The following PCDHGA7 variants were observed in gnomAD, a reference collection of about 807,000 sequenced individuals.
The protein encoded by PCDHGA7 is protocadherin gamma subfamily A, 7.
In PCDHGA7, 44 loss-of-function variants were observed where a neutral mutation model predicts 58.3. The ratio of observed to expected loss-of-function variants is 0.75; its 90% CI spans 0.59 to 0.97. The LOEUF is 0.97. Ranked by LOEUF, PCDHGA7 falls within the 50% of genes least tolerant of loss-of-function variation. PCDHGA7 has a pLI of 0.00. For synonymous variants in PCDHGA7, 516 were observed against 504.2 expected, an observed-to-expected ratio of 1.02 and a Z score of -0.31; for missense variants, 1,266 against 1,188.7, an observed-to-expected ratio of 1.06 and a Z score of -0.96.
chr5:141,393,794 T>C, intron 1 of PCDHGA7: 1 of 1,613,934 alleles, frequency 6.2e-7, no homozygotes, highest in South Asian at 1.1e-5. Flanking sequence ...TGGGGGCACT[T>C]CTGGGGAGGA....
At chr5:141,389,919 C>T (rs777835466) in intron 1 of PCDHGA7, 22 of 1,613,962 alleles carry the variant, frequency 1.4e-5, no homozygotes, top group Middle Eastern at 1.6e-4. Context: ...CCGCCCCGAC[C>T]CCTCTGACCT....
chr5:141,430,996 G>T, intron 1 of PCDHGA7: 1 of 1,614,024 alleles, frequency 6.2e-7, no homozygotes, highest in Middle Eastern at 1.6e-4. Flanking sequence ...CCCTGAATCC[G>T]CGCAGCGGCA....
At chr5:141,410,846 TGTC>T (rs1025068052) in intron 1 of PCDHGA7, 5 of 423,660 alleles carry the variant, frequency 1.2e-5, no homozygotes, top group South Asian at 4.0e-5. Flanking sequence ...ATTTTGTCTT[TGTC>T]TTTTTTTTTT....
At chr5:141,430,829 T>A (rs763916884) in intron 1 of PCDHGA7, 1 of 1,554,558 alleles carries the variant, frequency 6.4e-7, no homozygotes, top group Non-Finnish European at 8.7e-7. Context: ...GGGGACTCTG[T>A]GGGAGACCGG....
At chr5:141,419,807 G>A in intron 1 of PCDHGA7, 2 of 1,614,074 alleles carry the variant, frequency 1.2e-6, no homozygotes, top group South Asian at 1.1e-5. Flanking sequence ...AAGAGATGGA[G>A]GACAGCCACC....
At chr5:141,466,583 C>T (rs2099125595) in intron 1 of PCDHGA7, among the ~76,000 whole-genome samples, 1 of 152,184 alleles carries the variant, frequency 6.6e-6, no homozygotes, top group Admixed American at 6.6e-5. Flanking sequence ...CTCATCCCTT[C>T]TTAAAACAAG....
intron 1 of PCDHGA7, chr5:141,390,888 G>A (rs1420100403): frequency 6.7e-6 from 1 of 149,538 alleles, no homozygotes; most frequent in African/African-American, 2.4e-5. Context: ...GTGTGTGTGT[G>A]AGAGAGATCC....
rs774983500 is a variant in PCDHGA7 at position 141,490,973 on chromosome 5, G to T, written c.2425-3834G>T. ...GACTGGGAACACTCAGCCCCCCAGC[G>T]TCTCCCTCGCTCTGCTCCTCCTGGC... On this transcript the variant is annotated intron_variant, in intron 1 of 3. Transcript: ENST00000518325. The surrounding 1 kb of genome is among the most constrained non-coding windows in gnomAD (Gnocchi z 5.4). 1 of 1,613,932 alleles carries T rather than the reference G, an allele frequency of 6.2e-7. No individual in the cohort carries two copies. The highest frequency in any genetic ancestry group is 1.3e-5 in the African/African-American group (1 of 75,040).
Position 141,476,745 on chromosome 5 carries a change from T to C in PCDHGA7, c.2425-18062T>C, listed in dbSNP as rs1372622323. 6.2e-7 allele frequency: 1 copy of C among 1,613,958 alleles called. No individual in the cohort carries two copies. On this transcript the variant is annotated intron_variant, in intron 1 of 3. Coordinates refer to ENST00000518325, the MANE Select transcript of PCDHGA7 (RefSeq NM_018920.4). This position sits in a 1 kb window ranked among gnomAD's most constrained non-coding sequence, Gnocchi z 7.6. The stretch of plus-strand genomic sequence containing the variant: ...CTGGACCGAGAACGGGAGCCTAGTC[T>C]CCAGTTAGTGCTGACGGCGTTGGAC...
chr5:141,480,122 C>T (rs576224922), intron 1 of PCDHGA7, among the ~76,000 whole-genome samples: 1 of 151,948 alleles, frequency 6.6e-6, no homozygotes, highest in African/African-American at 2.4e-5. Flanking sequence ...CCTGGCATAT[C>T]ATAACTGTTA....
Position 141,431,548 on chromosome 5 carries a change from A to G in PCDHGA7, c.2424+46225A>G, listed in dbSNP as rs1357844542. 2 of 1,614,136 alleles carry G rather than the reference A, an allele frequency of 1.2e-6. No individual in the cohort carries two copies. Among genetic ancestry groups the G allele is most frequent in the Admixed American group, 1.7e-5 (1 of 60,030 alleles). On this transcript the variant is annotated intron_variant, in intron 1 of 3. Coordinates refer to ENST00000518325, the MANE Select transcript of PCDHGA7 (RefSeq NM_018920.4). This position sits in a 1 kb window ranked among gnomAD's most constrained non-coding sequence, Gnocchi z 4.8. ...TGGCCTTGGGCACGCAGCTGCTTGT[A>G]GTCAACGCTACCGACCCTGACGAAG... is the stretch of plus-strand genomic sequence containing the variant.
At chr5:141,481,732 T>G (rs549671056) in intron 1 of PCDHGA7, among the ~76,000 whole-genome samples, 33 of 151,884 alleles carry the variant, frequency 2.2e-4, no homozygotes, top group Non-Finnish European at 4.3e-4. Context: ...GGCGGGCGGA[T>G]CACGAGGTCA....
Position 141,511,285 on chromosome 5 carries a change from G to C in PCDHGA7, c.*112G>C. On this transcript the variant is annotated 3_prime_UTR_variant, in exon 4 of 4. Coordinates refer to ENST00000518325, the MANE Select transcript of PCDHGA7 (RefSeq NM_018920.4). Reference sequence around the variant, plus strand: ...GGGCTAACCCCCAGAATACTGGTAGGGGCCAAGGCCATGCTCCCCTTGGGA... The same window carrying C: ...GGGCTAACCCCCAGAATACTGGTAGCGGCCAAGGCCATGCTCCCCTTGGGA... 1 of 1,521,904 alleles carries C rather than the reference G, an allele frequency of 6.6e-7. No homozygotes were observed. The highest frequency in any genetic ancestry group is 8.8e-7 in the Non-Finnish European group (1 of 1,131,664). 94.3% of individuals were successfully genotyped at this position (1,521,904 alleles called of 1,614,324 possible).
intron 1 of PCDHGA7, among the ~76,000 whole-genome samples, chr5:141,443,369 C>T (rs1403494558): frequency 6.6e-6 from 1 of 151,848 alleles, no homozygotes; most frequent in African/African-American, 2.4e-5. Context: ...CCTGTGGTCT[C>T]AGCTACTTGG....
chr5:141,409,087 T>C (rs753624565), intron 1 of PCDHGA7: 1 of 1,613,990 alleles, frequency 6.2e-7, no homozygotes, highest in Admixed American at 1.7e-5. Flanking sequence ...TCTCATTGGA[T>C]GAGAAAACAG....
chr5:141,446,920 C>T (rs2098520337), intron 1 of PCDHGA7, among the ~76,000 whole-genome samples: 1 of 152,108 alleles, frequency 6.6e-6, no homozygotes, highest in African/African-American at 2.4e-5. Flanking sequence ...TATTTATCTT[C>T]CTGATCTCTT....
intron 1 of PCDHGA7, chr5:141,403,146 G>A (rs1400601984): frequency 1.9e-6 from 3 of 1,613,938 alleles, no homozygotes; most frequent in African/African-American, 2.7e-5. Flanking sequence ...CGCCGAGTCC[G>A]CATCGTCTCT....
intron 1 of PCDHGA7, chr5:141,410,687 T>C: frequency 6.6e-7 from 1 of 1,518,632 alleles, no homozygotes; most frequent in Non-Finnish European, 8.8e-7. Flanking sequence ...TTAGGCATAC[T>C]ACTTTATTTT....
chr5:141,501,030 A>G (rs2099805050), intron 2 of PCDHGA7, among the ~76,000 whole-genome samples: 1 of 151,848 alleles, frequency 6.6e-6, no homozygotes, highest in Admixed American at 6.6e-5. Flanking sequence ...CACCACGCCC[A>G]GCTAATTTTT....
Sources: allele counts gnomAD v4.1 joint callset (sites outside exome capture counted in the v4.1 genomes callset), GRCh38; gene constraint gnomAD v4.1.1; non-coding constraint Gnocchi (gnomAD v3.1); transcripts MANE v1.5; gene names NCBI Gene and HGNC (gene_info 2026-07-23, HGNC 2026-07-21).